Variants in KLHL23 observed in about 807,000 individuals in gnomAD.
KLHL23 encodes the protein kelch like family member 23.
In KLHL23, 33 loss-of-function variants were observed where a neutral mutation model predicts 48.9. That is an observed-to-expected ratio of 0.67 (90% confidence interval 0.51 to 0.90). The LOEUF is 0.90. Ranked by LOEUF, KLHL23 falls within the 40% of genes least tolerant of loss-of-function variation. The probability of loss-of-function intolerance (pLI) is 0.00; values close to 1 mark genes in which losing one functional copy is unlikely to be tolerated. For synonymous variants in KLHL23, 234 were observed against 231.6 expected (o/e 1.01, Z -0.09); for missense variants, 608 against 669.6 (o/e 0.91, Z 1.02).
intron 1 of KLHL23, 33 bp from the exon 2 acceptor site, chr2:169,734,980 G>A (rs994305726): frequency 2.0e-6 from 3 of 1,512,318 alleles, no homozygotes; most frequent in Non-Finnish European, 2.6e-6. Flanking sequence ...GTGCAACATT[G>A]AAAACACATT....
chr2:169,744,608 G>T (rs1224284558), intron 3 of KLHL23, among the ~76,000 whole-genome samples: 4 of 151,948 alleles, frequency 2.6e-5, no homozygotes, highest in Admixed American at 6.6e-5. Context: ...GCCCAGGCTG[G>T]AGTGCAGTGG....
At chr2:169,742,893 C>T (rs991848253) in intron 3 of KLHL23, among the ~76,000 whole-genome samples, 1 of 152,210 alleles carries the variant, frequency 6.6e-6, no homozygotes, top group African/African-American at 2.4e-5. Context: ...GTGTGGCAGG[C>T]ACAAACTATT....
chr2:169,736,437 G>A (rs919461123), intron 2 of KLHL23, among the ~76,000 whole-genome samples: 3 of 152,180 alleles, frequency 2.0e-5, no homozygotes, highest in African/African-American at 7.2e-5. Flanking sequence ...CAAGTCAAGG[G>A]CTAGATGAAG....
intron 3 of KLHL23, among the ~76,000 whole-genome samples, chr2:169,748,805 C>G (rs1688870911): frequency 6.7e-6 from 1 of 148,646 alleles, no homozygotes; most frequent in Non-Finnish European, 1.5e-5. Flanking sequence ...ACTTCCAGCC[C>G]CAGGACCCGG....
intron 3 of KLHL23, among the ~76,000 whole-genome samples, chr2:169,743,264 A>G (rs1182477096): frequency 6.6e-6 from 1 of 152,232 alleles, no homozygotes; most frequent in Non-Finnish European, 1.5e-5. Context: ...TCCCTCAAAA[A>G]TAAGTTTTCC....
chr2:169,739,303 C>T (rs1320568298), intron 2 of KLHL23, among the ~76,000 whole-genome samples: 1 of 151,942 alleles, frequency 6.6e-6, no homozygotes, highest in Non-Finnish European at 1.5e-5. Flanking sequence ...GGTACCTGTT[C>T]TTCCTTTGTT....
intron 3 of KLHL23, among the ~76,000 whole-genome samples, chr2:169,745,618 G>T (rs1326740293): frequency 6.6e-6 from 1 of 151,722 alleles, no homozygotes; most frequent in East Asian, 1.9e-4. Context: ...AACCAAGGGA[G>T]AAATGCTGAA....
chr2:169,748,230 G>A (rs1030334501), intron 3 of KLHL23, among the ~76,000 whole-genome samples: 1 of 152,196 alleles, frequency 6.6e-6, no homozygotes, highest in Admixed American at 6.5e-5. Context: ...CAGGCTGGGT[G>A]GTCAGGGAAT....
In KLHL23 at chr2:169,734,032, G is replaced by C. The variant is rs540181027; in HGVS notation, c.-58G>C. The C allele has an allele frequency of 6.6e-6, 1 of 151,796 alleles. No individual in the cohort carries two copies. The highest frequency in any genetic ancestry group is 2.1e-4 in the South Asian group (1 of 4,826). 9.4% of individuals were successfully genotyped at this position (151,796 alleles called of 1,614,324 possible). On this transcript the variant is annotated 5_prime_UTR_variant, in exon 1 of 4. Coordinates refer to ENST00000392647, the MANE Select transcript of KLHL23 (RefSeq NM_144711.6). ...GGTCAGAGGGGCCGGAGGCGTCCCC[G>C]CTCCCGCTCGCTACTAGCCCGCGGG...
rs1233977189 is a variant in KLHL23 at position 169,751,815 on chromosome 2, CTT to C, written c.*2085_*2086del. On this transcript the variant is annotated 3_prime_UTR_variant, in exon 4 of 4. Transcript: ENST00000392647. ...GTTAGTGTAGCGGGATATGGAATGA[CTT>C]TATTTATTTAAATCTTTTCTTTAAT... is the stretch of plus-strand genomic sequence containing the variant. The C allele has an allele frequency of 6.6e-6, 1 of 152,088 alleles. No homozygotes were observed. Among genetic ancestry groups the C allele is most frequent in the South Asian group, 2.1e-4 (1 of 4,822 alleles). 9.4% of individuals were successfully genotyped at this position (152,088 alleles called of 1,614,324 possible). A position where few individuals can be genotyped will look rare whatever the true frequency, so the allele number is the denominator to read the frequency against.
Position 169,738,109 on chromosome 2 carries a change from A to C in KLHL23, c.1213+1882A>C, listed in dbSNP as rs1385439385. On this transcript the variant is annotated intron_variant, in intron 2 of 3. Coordinates refer to ENST00000392647, the MANE Select transcript of KLHL23 (RefSeq NM_144711.6). The stretch of plus-strand genomic sequence containing the variant: ...CCCTCACCTGCTAACTGGGTCTGAA[A>C]TTCCAGTTTTATACTTTGAACTCAA... 3.3e-5 allele frequency among the ~76,000 whole-genome samples: 5 copies of C among 152,260 alleles called. No homozygotes were observed. The South Asian group carries it at 1.0e-3, about 32-fold the overall frequency.
rs775939392 is a variant in KLHL23, at chr2:169,741,443, C to T, written c.1272C>T (p.His424=). 6 of 1,614,008 alleles carry T rather than the reference C, an allele frequency of 3.7e-6. No individual in the cohort carries two copies. The highest frequency in any genetic ancestry group is 5.1e-6 in the Non-Finnish European group (6 of 1,179,948). The change falls in exon 3 of 4, where the codon CAC becomes CAT. Residue 424 remains histidine, a synonymous_variant. Transcript: ENST00000392647. ...ATGTTATCTACGTCATTGGTGGCCA[C>T]TGTGGCTACAGAGGAAGCTGCACCT... is the stretch of plus-strand genomic sequence containing the variant. ...LHDVIYVIGG[H]CGYRGSCTYD...
chr2:169,748,874 CTG>C (rs1688872590), intron 3 of KLHL23, among the ~76,000 whole-genome samples: 1 of 151,184 alleles, frequency 6.6e-6, no homozygotes, highest in Non-Finnish European at 1.5e-5. Flanking sequence ...GGATGATAGA[CTG>C]TCATGCCCCA....
chr2:169,734,548 G>C (rs957968709), intron 1 of KLHL23, among the ~76,000 whole-genome samples: 1 of 152,184 alleles, frequency 6.6e-6, no homozygotes, highest in African/African-American at 2.4e-5. Context: ...CCTTTTCCGA[G>C]ACCTCTTCTT....
Position 169,751,669 on chromosome 2 carries a change from C to T in KLHL23, c.*1937C>T, listed in dbSNP as rs956662562. 5.3e-5 allele frequency: 8 copies of T among 152,146 alleles called. No homozygotes were observed. In the East Asian group the frequency reaches 7.7e-4, roughly 15 times the overall value. 9.4% of individuals were successfully genotyped at this position (152,146 alleles called of 1,614,324 possible). On this transcript the variant is annotated 3_prime_UTR_variant, in exon 4 of 4. Coordinates refer to ENST00000392647, the MANE Select transcript of KLHL23 (RefSeq NM_144711.6). ...ATAATTATTTGGAAGACTGTAGAAACGTGGACATGTTTGATATGGTAAGTA... is the reference window on the plus strand; with the variant it reads ...ATAATTATTTGGAAGACTGTAGAAATGTGGACATGTTTGATATGGTAAGTA...
intron 3 of KLHL23, among the ~76,000 whole-genome samples, chr2:169,743,083 A>G (rs906539022): frequency 8.5e-5 from 13 of 152,334 alleles, no homozygotes; most frequent in Non-Finnish European, 2.9e-5. Context: ...CTTGAACTTC[A>G]CTATTATCTC....
In KLHL23 at chr2:169,736,180, A is replaced by G. The variant is rs1458402043; in HGVS notation, c.1166A>G (p.Tyr389Cys). Residue 389 changes from tyrosine (Y) to cysteine (C), a missense_variant, in exon 2 of 4, where the codon TAT (tyrosine) becomes TGT (cysteine). Coordinates refer to ENST00000392647, the MANE Select transcript of KLHL23 (RefSeq NM_144711.6). ...GCTCCAGCAGAAGAGGCTGAGTTCT[A>G]TGATCCTTTAAAAGAGAAATGGATT... ...KGAPAEEAEF[Y>C]DPLKEKWIPI... 3.7e-6 allele frequency: 6 copies of G among 1,612,596 alleles called. No individual in the cohort carries two copies. The East Asian group carries it at 8.9e-5, about 24-fold the overall frequency.
rs144201291 is a variant in KLHL23 at position 169,749,986 on chromosome 2, C to CGCAT, written c.*255_*256insCATG. ...GTATACATATATATGTGTATATATACGTATGTATACATATATGTGTATATA... is the reference window on the plus strand; with the variant it reads ...GTATACATATATATGTGTATATATACGCATGTATGTATACATATATGTGTATATA... On this transcript the variant is annotated 3_prime_UTR_variant, in exon 4 of 4. Transcript: ENST00000392647. 0.72 allele frequency: 69,855 copies of CGCAT among 97,246 alleles called. 27,093 individuals carry two copies. Among genetic ancestry groups the CGCAT allele is most frequent in the East Asian group, 0.83 (4,261 of 5,124 alleles). The allele number at this position is 97,246 out of a possible 1,614,324, so 6.0% of individuals were successfully genotyped here. A position where few individuals can be genotyped will look rare whatever the true frequency, so the allele number is the denominator to read the frequency against.
chr2:169,743,506 A>T (rs1162355299), intron 3 of KLHL23, among the ~76,000 whole-genome samples: 1 of 152,262 alleles, frequency 6.6e-6, no homozygotes, highest in Non-Finnish European at 1.5e-5. Context: ...AGTACCTTGC[A>T]TGATGTGTTC....
Sources: allele counts gnomAD v4.1 joint callset (sites outside exome capture counted in the v4.1 genomes callset), GRCh38; gene constraint gnomAD v4.1.1; transcripts MANE v1.5; gene names NCBI Gene and HGNC (gene_info 2026-07-23, HGNC 2026-07-21).